LRRK2: variants seen among roughly 807,000 people sequenced by gnomAD.
LRRK2 encodes the protein leucine rich repeat kinase 2, also known as leucine-rich repeat serine/threonine-protein kinase 2.
Under a neutral mutation model 302.6 loss-of-function variants are expected in LRRK2, and 203 were observed. The ratio of observed to expected loss-of-function variants is 0.67; its 90% CI spans 0.60 to 0.75. LRRK2 has a LOEUF of 0.75. Ranked by LOEUF, LRRK2 falls within the 30% of genes least tolerant of loss-of-function variation. The pLI is 0.00. For synonymous variants in LRRK2, 1,066 were observed against 1,031.9 expected (o/e 1.03, Z -0.63); for missense variants, 2,830 against 2,951.0 (o/e 0.96, Z 0.95).
intron 7 of LRRK2, among the ~76,000 whole-genome samples, chr12:40,247,711 GATGTATATAAATATACAAATA>G (rs1942069837): frequency 2.7e-5 from 1 of 37,590 alleles, no homozygotes; most frequent in Non-Finnish European, 7.3e-5. Context: ...TTTATACACA[GATGTATATAAATATACAAATA>G]TAAATATATA....
chr12:40,249,519 G>T (rs1449174489), intron 7 of LRRK2, among the ~76,000 whole-genome samples: 1 of 152,076 alleles, frequency 6.6e-6, no homozygotes, highest in Non-Finnish European at 1.5e-5. Flanking sequence ...AATGAATATT[G>T]TCGTGCCGTG....
intron 18 of LRRK2, among the ~76,000 whole-genome samples, chr12:40,282,578 T>C (rs780858633): frequency 2.3e-4 from 35 of 152,068 alleles, no homozygotes; most frequent in Non-Finnish European, 4.1e-4. Context: ...TAAAAGGTAA[T>C]GAGGTTTGAA....
rs889046476 is a variant in LRRK2, at chr12:40,225,354, G to C, written c.151+72G>C. On this transcript the variant is annotated intron_variant, in intron 1 of 50. Transcript: ENST00000298910. ...CCCCCTCCTTACATTTGCAAATTTT[G>C]TCCTCCTCCCCTTGACCCTGCTCAA... 2.3e-5 allele frequency: 36 copies of C among 1,560,644 alleles called. No individual in the cohort carries two copies. In the African/African-American group the frequency reaches 4.4e-4, roughly 19 times the overall value.
Position 40,323,182 on chromosome 12 carries a change from T to C in LRRK2, c.5532T>C (p.Asp1844=). 1.2e-6 allele frequency: 2 copies of C among 1,613,274 alleles called. No homozygotes were observed. Among genetic ancestry groups the C allele is most frequent in the South Asian group, 2.2e-5 (2 of 91,030 alleles). Reference sequence around the variant, plus strand: ...CAGGAGATCTCTTAGTAAATCCAGATCAACCAAGGCTCACCATTCCAATAT... The same window carrying C: ...CAGGAGATCTCTTAGTAAATCCAGACCAACCAAGGCTCACCATTCCAATAT... ...AEEGDLLVNP[D]QPRLTIPISQ... is the part of the protein sequence containing the mutation. Residue 1844 remains aspartate (D), a synonymous_variant, in exon 38 of 51, where the codon GAT becomes GAC. Transcript: ENST00000298910.
At chr12:40,290,154 A>G (rs575684462) in intron 20 of LRRK2, among the ~76,000 whole-genome samples, 2 of 152,092 alleles carry the variant, frequency 1.3e-5, no homozygotes, top group South Asian at 4.1e-4. Context: ...GTGTTGAAAA[A>G]TGCTCTTCAG....
chr12:40,338,320 C>T (rs531113851), intron 40 of LRRK2, among the ~76,000 whole-genome samples: 1 of 152,204 alleles, frequency 6.6e-6, no homozygotes, highest in South Asian at 2.1e-4. Context: ...CTCATAGATA[C>T]CTAGTACATA....
chr12:40,233,183 C>T (rs890232487), intron 3 of LRRK2, among the ~76,000 whole-genome samples: 10 of 152,158 alleles, frequency 6.6e-5, no homozygotes, highest in African/African-American at 2.2e-4. Context: ...CACCACTGCA[C>T]TCCAGCCTGG....
In LRRK2 at chr12:40,367,749, G is replaced by A. The variant is rs202179421; in HGVS notation, c.7568G>A (p.Arg2523Gln). The change falls in exon 51 of 51, where the codon CGA becomes CAA. Residue 2523 changes from arginine (R) to glutamine (Q), a missense_variant. Physicochemically the swap from Arg to Gln is conservative, Grantham distance 43. Coordinates refer to ENST00000298910, the MANE Select transcript of LRRK2 (RefSeq NM_198578.4). ...VRKELAEKMRRTSVE is the reference protein window; with the variant it reads ...VRKELAEKMRQTSVE ...AAAGAATTAGCTGAAAAAATGAGAC[G>A]AACATCTGTTGAGTAAGAGAGAAAT... 1.6e-5 allele frequency: 25 copies of A among 1,604,736 alleles called. No individual in the cohort carries two copies. The highest frequency in any genetic ancestry group is 2.0e-5 in the Non-Finnish European group (24 of 1,174,750).
chr12:40,356,977 G>A (rs1471842124), intron 46 of LRRK2, among the ~76,000 whole-genome samples: 1 of 152,124 alleles, frequency 6.6e-6, no homozygotes, highest in Non-Finnish European at 1.5e-5. Context: ...ATTTTGAAAT[G>A]TTTTTAACTG....
rs1944156915 is a variant in LRRK2 at position 40,291,456 on chromosome 12, A to T, written c.2690-2089A>T. Among the ~76,000 whole-genome samples the T allele has an allele frequency of 2.7e-5, 4 of 150,508 alleles. No homozygotes were observed. The Admixed American group carries it at 2.7e-4, about 10-fold the overall frequency. On this transcript the variant is annotated intron_variant, in intron 20 of 50. Coordinates refer to ENST00000298910, the MANE Select transcript of LRRK2 (RefSeq NM_198578.4). ...AATATATATATATATATATAAATTT[A>T]ATTTCCTTTGTGACTTCTTTGATTC...
chr12:40,272,790 A>C (rs1191886534), intron 14 of LRRK2, among the ~76,000 whole-genome samples: 1 of 152,176 alleles, frequency 6.6e-6, no homozygotes, highest in African/African-American at 2.4e-5. Flanking sequence ...TTTTCTTTGA[A>C]TGGTTCAAAT....
In LRRK2 at chr12:40,298,796, T is replaced by TATATATATATATATATAA. The variant is rs1485268496; in HGVS notation, c.3347+306_3347+307insTATATATATATATAAATA. ...TCAAAGAAATATATATATATATATATATAATATATGTATTATAATATATAA... is the reference window on the plus strand; with the variant it reads ...TCAAAGAAATATATATATATATATATATATATATATATATATAAATAATATATGTATTATAATATATAA... On this transcript the variant is annotated intron_variant, in intron 24 of 50. Coordinates refer to ENST00000298910, the MANE Select transcript of LRRK2 (RefSeq NM_198578.4). 6.8e-5 allele frequency among the ~76,000 whole-genome samples: 8 copies of TATATATATATATATATAA among 117,378 alleles called. 1 individual carries two copies. Among genetic ancestry groups the TATATATATATATATATAA allele is most frequent in the African/African-American group, 2.2e-4 (7 of 31,488 alleles). The allele number at this position is 117,378 out of a possible 152,430, so 77.0% of individuals were successfully genotyped here. A position where few individuals can be genotyped will look rare whatever the true frequency, so the allele number is the denominator to read the frequency against.
chr12:40,353,904 G>A lies in LRRK2; in HGVS notation c.6577-395G>A, dbSNP rs148999797. Among the ~76,000 whole-genome samples the A allele has an allele frequency of 6.6e-3, 998 of 152,304 alleles. 14 individuals carry two copies. The highest frequency in any genetic ancestry group is 0.022 in the African/African-American group (932 of 41,566). The stretch of plus-strand genomic sequence containing the variant: ...CAGGCTGAGGCAGGAGAATCAGGCA[G>A]GGAGGTTGCAGTGAGCCGAGATGGC... On this transcript the variant is annotated intron_variant, in intron 44 of 50. Coordinates refer to ENST00000298910, the MANE Select transcript of LRRK2 (RefSeq NM_198578.4).
chr12:40,298,961 T>C, intron 24 of LRRK2, 148 bp from the exon 25 acceptor site: 2 of 457,242 alleles, frequency 4.4e-6, no homozygotes, highest in Non-Finnish European at 7.2e-6. Context: ...TTACAACTTT[T>C]ATCAACTGAC....
At chr12:40,248,659 G>A (rs1942117943) in intron 7 of LRRK2, among the ~76,000 whole-genome samples, 1 of 152,088 alleles carries the variant, frequency 6.6e-6, no homozygotes, top group Admixed American at 6.5e-5. Context: ...CTAATTATGG[G>A]CTTAATGCAT....
intron 38 of LRRK2, among the ~76,000 whole-genome samples, chr12:40,326,268 T>C (rs2136906210): frequency 6.6e-6 from 1 of 152,002 alleles, no homozygotes; most frequent in Non-Finnish European, 1.5e-5. Flanking sequence ...ATCGAGACCA[T>C]CCTGGCTAAC....
rs762788995 is a variant in LRRK2 at position 40,225,691 on chromosome 12, G to C, written c.237+51G>C. On this transcript the variant is annotated intron_variant, in intron 2 of 50. Coordinates refer to ENST00000298910, the MANE Select transcript of LRRK2 (RefSeq NM_198578.4). Reference sequence around the variant, plus strand: ...TCATTCTCCCTTCTGTTTGGAAGGAGACGTTTTACTGGCAATGTTAATATA... The same window carrying C: ...TCATTCTCCCTTCTGTTTGGAAGGACACGTTTTACTGGCAATGTTAATATA... 3 of 1,500,004 alleles carry C rather than the reference G, an allele frequency of 2.0e-6. No individual in the cohort carries two copies. The Admixed American group carries it at 5.3e-5, about 26-fold the overall frequency. 92.9% of individuals were successfully genotyped at this position (1,500,004 alleles called of 1,614,324 possible).
At position 40,225,153 on chromosome 12, in the gene LRRK2, G is replaced by A. The variant is rs981632250; in HGVS notation, c.22G>A (p.Gly8Arg). The change falls in exon 1 of 51, where the codon GGG (glycine) becomes AGG (arginine). Residue 8 changes from glycine (G) to arginine (R), a missense_variant. This residue lies in a region of LRRK2 where 2,121 missense variants were observed against 2,148.0 expected (regional missense o/e 0.99). Transcript: ENST00000298910. MASGSCQGCEEDEETLKK... is the reference protein window; with the variant it reads MASGSCQRCEEDEETLKK... ...CACCATGGCTAGTGGCAGCTGTCAG[G>A]GGTGCGAAGAGGACGAGGAAACTCT... 2.5e-6 allele frequency: 4 copies of A among 1,613,954 alleles called. No homozygotes were observed. Among genetic ancestry groups the A allele is most frequent in the African/African-American group, 2.7e-5 (2 of 74,922 alleles).
chr12:40,287,023 C>G (rs1356376359), intron 19 of LRRK2, among the ~76,000 whole-genome samples: 1 of 151,990 alleles, frequency 6.6e-6, no homozygotes, highest in Non-Finnish European at 1.5e-5. Flanking sequence ...ACCCAGGGAG[C>G]TCATATAACT....
Sources: gnomAD v4.1 joint callset for allele counts (sites outside exome capture counted in the v4.1 genomes callset) on GRCh38, gnomAD v4.1.1 for gene constraint, gnomAD v4.1.1 regional missense constraint, MANE v1.5 for transcripts, NCBI Gene and HGNC (gene_info 2026-07-23, HGNC 2026-07-21) for gene names.